The following GALNT13 variants were observed in gnomAD, a reference collection of about 807,000 sequenced individuals.
The protein encoded by GALNT13 is polypeptide N-acetylgalactosaminyltransferase 13.
Under a neutral mutation model 64.2 loss-of-function variants are expected in GALNT13, and 28 were observed. The ratio of observed to expected loss-of-function variants is 0.44; its 90% CI spans 0.32 to 0.60. The LOEUF (loss-of-function observed/expected upper bound fraction) is 0.60. Among genes scored for constraint, GALNT13 ranks in the 20% least tolerant of loss-of-function variants. GALNT13 has a pLI of 0.05. For synonymous variants in GALNT13, 214 were observed against 224.6 expected (o/e 0.95, Z 0.42); for missense variants, 577 against 669.8 (o/e 0.86, Z 1.53).
the GALNT13 span, among the ~76,000 whole-genome samples, chr2:153,803,707 AAG>A: frequency 1.4e-5 from 2 of 147,112 alleles, no homozygotes; most frequent in African/African-American, 2.5e-5. Context: ...AAAAAAAAAA[AAG>A]AAAAAGAAAA....
At chr2:154,038,335 C>G (rs1178864782) in intron 3 of GALNT13, among the ~76,000 whole-genome samples, 1 of 152,028 alleles carries the variant, frequency 6.6e-6, no homozygotes, top group Non-Finnish European at 1.5e-5. Flanking sequence ...ATAACAAAGT[C>G]AGAGATATCA....
At chr2:153,904,581 G>A (rs1688435531) in intron 2 of GALNT13, among the ~76,000 whole-genome samples, 1 of 151,700 alleles carries the variant, frequency 6.6e-6, no homozygotes. Context: ...TAGCTTAATA[G>A]CCATGAACAT....
At chr2:153,321,891 G>T in the GALNT13 span, among the ~76,000 whole-genome samples, 2 of 151,918 alleles carry the variant, frequency 1.3e-5, no homozygotes, top group African/African-American at 2.4e-5. Context: ...AATGCAAAAG[G>T]TTTCATGAGG....
chr2:153,686,674 T>A, the GALNT13 span, among the ~76,000 whole-genome samples: 1 of 152,186 alleles, frequency 6.6e-6, no homozygotes, highest in African/African-American at 2.4e-5. Flanking sequence ...CATACAATAC[T>A]ATGTTGAATA....
the GALNT13 span, among the ~76,000 whole-genome samples, chr2:153,188,157 C>G: frequency 6.6e-6 from 1 of 151,636 alleles, no homozygotes; most frequent in East Asian, 1.9e-4. Context: ...TATGGTTTTC[C>G]TGTTCTGAAC....
the GALNT13 span, among the ~76,000 whole-genome samples, chr2:153,669,962 GA>G: frequency 0.012 from 1,682 of 142,186 alleles, 36 homozygotes; most frequent in Admixed American, 0.056. Context: ...GGAACTTGGG[GA>G]GGGGGGAGGG....
chr2:153,525,226 G>A, the GALNT13 span, among the ~76,000 whole-genome samples: 5 of 152,238 alleles, frequency 3.3e-5, no homozygotes, highest in South Asian at 2.1e-4. Context: ...GAGCCCTTGC[G>A]CCCTGAATAA....
At chr2:154,313,872 T>A (rs1330676248) in intron 9 of GALNT13, among the ~76,000 whole-genome samples, 1 of 100,804 alleles carries the variant, frequency 9.9e-6, no homozygotes, top group South Asian at 3.2e-4. Flanking sequence ...AGTCTAATCA[T>A]TTTTTTTTGT....
the GALNT13 span, among the ~76,000 whole-genome samples, chr2:153,422,875 A>G: frequency 2.0e-5 from 3 of 152,024 alleles, no homozygotes; most frequent in African/African-American, 7.2e-5. Flanking sequence ...AGCAAAACCA[A>G]CAATGACTGA....
chr2:154,038,860 C>A (rs1006157226), intron 3 of GALNT13, among the ~76,000 whole-genome samples: 1 of 151,780 alleles, frequency 6.6e-6, no homozygotes, highest in Non-Finnish European at 1.5e-5. Context: ...ATTATTAGTC[C>A]AAGAAGGGAT....
chr2:153,930,884 A>G (rs1335857479), intron 2 of GALNT13, among the ~76,000 whole-genome samples: 14 of 152,098 alleles, frequency 9.2e-5, no homozygotes, highest in South Asian at 2.1e-4. Flanking sequence ...TTTGATAGGA[A>G]TGGTATTGAA....
intron 8 of GALNT13, among the ~76,000 whole-genome samples, chr2:154,283,721 A>G (rs528689159): frequency 4.6e-5 from 7 of 152,212 alleles, no homozygotes; most frequent in East Asian, 3.9e-4. Flanking sequence ...GTGTGTGTGT[A>G]TATACACACA....
chr2:153,077,474 A>T, the GALNT13 span, among the ~76,000 whole-genome samples: 1 of 152,028 alleles, frequency 6.6e-6, no homozygotes, highest in African/African-American at 2.4e-5. Flanking sequence ...TAGGGTGAAT[A>T]AGGAAGCAAA....
chr2:153,791,821 G>T, the GALNT13 span, among the ~76,000 whole-genome samples: 3 of 152,118 alleles, frequency 2.0e-5, no homozygotes, highest in African/African-American at 7.2e-5. Context: ...ACTAATGCAG[G>T]AATAGAAAAC....
intron 3 of GALNT13, among the ~76,000 whole-genome samples, chr2:153,945,061 C>T (rs1028501015): frequency 1.3e-5 from 2 of 152,100 alleles, no homozygotes; most frequent in Non-Finnish European, 2.9e-5. Flanking sequence ...TGAATGACAC[C>T]GCTAAAGACT....
At chr2:153,481,394 A>G in the GALNT13 span, among the ~76,000 whole-genome samples, 1 of 152,064 alleles carries the variant, frequency 6.6e-6, no homozygotes, top group East Asian at 1.9e-4. Flanking sequence ...TTCTCCTTTT[A>G]TTCACCTGTT....
At chr2:154,209,132 G>A (rs1319963025) in intron 4 of GALNT13, among the ~76,000 whole-genome samples, 1 of 151,998 alleles carries the variant, frequency 6.6e-6, no homozygotes, top group Non-Finnish European at 1.5e-5. Context: ...AAAGGTGTTT[G>A]TTAAAGTTCA....
the GALNT13 span, among the ~76,000 whole-genome samples, chr2:153,852,010 A>G: frequency 1.3e-5 from 2 of 152,186 alleles, no homozygotes; most frequent in Non-Finnish European, 2.9e-5. Context: ...GATGTATACT[A>G]TTAGCCTTAA....
intron 10 of GALNT13, among the ~76,000 whole-genome samples, chr2:154,406,909 A>C (rs542351255): frequency 6.6e-6 from 1 of 152,310 alleles, no homozygotes; most frequent in African/African-American, 2.4e-5. Context: ...TTACATACTA[A>C]AACATTAAAG....
Sources: gnomAD v4.1 joint callset for allele counts (sites outside exome capture counted in the v4.1 genomes callset) on GRCh38, gnomAD v4.1.1 for gene constraint, MANE v1.5 for transcripts, NCBI Gene and HGNC (gene_info 2026-07-23, HGNC 2026-07-21) for gene names.